Variants in SLC24A3 observed in about 807,000 individuals in gnomAD.
SLC24A3 encodes the protein sodium/potassium/calcium exchanger 3.
A neutral mutation model predicts 75.8 loss-of-function variants in SLC24A3; 28 were observed. That is an observed-to-expected ratio of 0.37 (90% confidence interval 0.27 to 0.51). The LOEUF (loss-of-function observed/expected upper bound fraction) is 0.51, where lower values mean the gene tolerates loss of function less well. Ranked by LOEUF, SLC24A3 falls within the 20% of genes least tolerant of loss-of-function variation. The pLI, the probability that SLC24A3 is intolerant of heterozygous loss-of-function variation, is 0.94. For synonymous variants in SLC24A3, 372 were observed against 334.1 expected (o/e 1.11, Z -1.24); for missense variants, 663 against 847.8 (o/e 0.78, Z 2.71).
intron 1 of SLC24A3, among the ~76,000 whole-genome samples, chr20:19,245,940 A>T (rs1982473610): frequency 6.6e-6 from 1 of 152,206 alleles, no homozygotes; most frequent in South Asian, 2.1e-4. Context: ...TGAAAGATCA[A>T]ATAATAAAGT....
chr20:19,494,594 C>A (rs1232085744), intron 2 of SLC24A3, among the ~76,000 whole-genome samples: 1 of 152,086 alleles, frequency 6.6e-6, no homozygotes, highest in Non-Finnish European at 1.5e-5. Context: ...TGGGGGTGCA[C>A]ATTGTTTTTG....
chr20:19,517,646 G>C (rs968103184), intron 3 of SLC24A3, among the ~76,000 whole-genome samples: 1 of 152,220 alleles, frequency 6.6e-6, no homozygotes, highest in South Asian at 2.1e-4. Context: ...AATCCATAGG[G>C]CAAGGAGTTC....
intron 3 of SLC24A3, among the ~76,000 whole-genome samples, chr20:19,524,320 A>G (rs1452081635): frequency 6.6e-6 from 1 of 152,228 alleles, no homozygotes; most frequent in Non-Finnish European, 1.5e-5. Flanking sequence ...CAGGACGTAC[A>G]GAATCCTGAG....
chr20:19,230,807 G>C (rs1568563542), intron 1 of SLC24A3, among the ~76,000 whole-genome samples: 1 of 152,150 alleles, frequency 6.6e-6, no homozygotes, highest in Non-Finnish European at 1.5e-5. Context: ...TCCACACTCA[G>C]CTTCTTTTAT....
chr20:19,229,101 A>G (rs535482997), intron 1 of SLC24A3, among the ~76,000 whole-genome samples: 2 of 152,166 alleles, frequency 1.3e-5, no homozygotes, highest in Non-Finnish European at 2.9e-5. Context: ...TGGGTAATTT[A>G]TGTTTTCCTA....
At chr20:19,688,510 T>C (rs886539879) in intron 12 of SLC24A3, among the ~76,000 whole-genome samples, 1 of 152,176 alleles carries the variant, frequency 6.6e-6, no homozygotes, top group Non-Finnish European at 1.5e-5. Context: ...GGCCTCTGCT[T>C]ATGGGTGAGA....
At chr20:19,395,414 T>G (rs1468875397) in intron 2 of SLC24A3, among the ~76,000 whole-genome samples, 2 of 152,242 alleles carry the variant, frequency 1.3e-5, no homozygotes, top group African/African-American at 4.8e-5. Context: ...ATGTTAACAT[T>G]TTGGTATATA....
At chr20:19,663,128 G>C (rs149401943) in intron 7 of SLC24A3, among the ~76,000 whole-genome samples, 1 of 151,890 alleles carries the variant, frequency 6.6e-6, no homozygotes, top group South Asian at 2.1e-4. Flanking sequence ...GAATGCAGTG[G>C]CCAGATCATA....
chr20:19,491,236 A>T (rs1284797789), intron 2 of SLC24A3, among the ~76,000 whole-genome samples: 1 of 151,662 alleles, frequency 6.6e-6, no homozygotes, highest in East Asian at 1.9e-4. Context: ...AGGGCTGTGC[A>T]CCCCTCCCTG....
chr20:19,353,152 C>T (rs535723375), intron 2 of SLC24A3, among the ~76,000 whole-genome samples: 12 of 152,200 alleles, frequency 7.9e-5, no homozygotes, highest in African/African-American at 2.9e-4. Context: ...CTATGATGTT[C>T]GACAACCATG....
intron 10 of SLC24A3, among the ~76,000 whole-genome samples, 200 bp downstream of exon 10, chr20:19,682,191 G>A (rs112675199): frequency 0.046 from 6,949 of 152,252 alleles, 222 homozygotes; most frequent in Middle Eastern, 0.065. Flanking sequence ...GGAGGCAGAC[G>A]TTGCAGTGAG....
intron 9 of SLC24A3, among the ~76,000 whole-genome samples, chr20:19,675,338 CA>C (rs1289246649): frequency 2.0e-5 from 3 of 152,180 alleles, no homozygotes; most frequent in Non-Finnish European, 2.9e-5. Flanking sequence ...CCAGTTTGGA[CA>C]TATCAGGTGG....
chr20:19,525,439 G>T (rs962155516), intron 3 of SLC24A3, among the ~76,000 whole-genome samples: 3 of 152,172 alleles, frequency 2.0e-5, no homozygotes, highest in African/African-American at 7.2e-5. Context: ...GCAGCCCTGA[G>T]GGTCTGTGGG....
Position 19,648,997 on chromosome 20 carries a change from G to A in SLC24A3, c.613-5065G>A, listed in dbSNP as rs1672464019. On this transcript the variant is annotated intron_variant, in intron 6 of 16. Transcript: ENST00000328041. ...CTATGTTATTGACCAGTGAGGTCAA[G>A]GACAGAATTACTCACTGTTGGTTTT... is the stretch of plus-strand genomic sequence containing the variant. Among the ~76,000 whole-genome samples, 3 of 152,220 alleles carry A rather than the reference G, an allele frequency of 2.0e-5. No individual in the cohort carries two copies. In the South Asian group the frequency reaches 6.2e-4, roughly 32 times the overall value.
intron 1 of SLC24A3, among the ~76,000 whole-genome samples, chr20:19,226,634 C>T (rs184554753): frequency 3.3e-5 from 5 of 152,200 alleles, no homozygotes; most frequent in East Asian, 1.9e-4. Flanking sequence ...TTAGTGTGGC[C>T]GAGGACTGTT....
chr20:19,674,913 C>T (rs1478495201), intron 9 of SLC24A3, among the ~76,000 whole-genome samples: 1 of 152,206 alleles, frequency 6.6e-6, no homozygotes, highest in Non-Finnish European at 1.5e-5. Context: ...ATTAGCCAGG[C>T]GTGGTGGCGT....
At chr20:19,441,956 T>C (rs1430229742) in intron 2 of SLC24A3, among the ~76,000 whole-genome samples, 2 of 152,214 alleles carry the variant, frequency 1.3e-5, no homozygotes, top group East Asian at 3.9e-4. Flanking sequence ...CATTATACAG[T>C]ATGCAGCTTT....
At chr20:19,415,210 G>T (rs914498980) in intron 2 of SLC24A3, among the ~76,000 whole-genome samples, 3 of 152,192 alleles carry the variant, frequency 2.0e-5, no homozygotes, top group Admixed American at 2.0e-4. Flanking sequence ...CACGCTTGTG[G>T]ATACACAGGT....
At chr20:19,248,535 G>A (rs1982560572) in intron 1 of SLC24A3, among the ~76,000 whole-genome samples, 1 of 152,084 alleles carries the variant, frequency 6.6e-6, no homozygotes, top group African/African-American at 2.4e-5. Context: ...GGGAACCCTA[G>A]TACCCTTTTG....
Sources: gnomAD v4.1 joint callset for allele counts (sites outside exome capture counted in the v4.1 genomes callset) on GRCh38, gnomAD v4.1.1 for gene constraint, MANE v1.5 for transcripts, NCBI Gene and HGNC (gene_info 2026-07-23, HGNC 2026-07-21) for gene names.